Variants in HS3ST2 observed in about 807,000 individuals in gnomAD.
The protein encoded by HS3ST2 is heparan sulfate glucosamine 3-O-sulfotransferase 2.
HS3ST2 carries 17 observed loss-of-function variants against 26.3 expected under a neutral mutation model. That is an observed-to-expected ratio of 0.65 (90% confidence interval 0.44 to 0.97). The LOEUF is 0.97. Ranked by LOEUF, HS3ST2 falls within the 50% of genes least tolerant of loss-of-function variation. HS3ST2 has a pLI of 0.00. For synonymous variants in HS3ST2, 237 were observed against 219.2 expected, an observed-to-expected ratio of 1.08 and a Z score of -0.72; for missense variants, 402 against 501.2, an observed-to-expected ratio of 0.80 and a Z score of 1.89.
chr16:22,878,436 G>A (rs895532497), intron 1 of HS3ST2, among the ~76,000 whole-genome samples: 1 of 152,146 alleles, frequency 6.6e-6, no homozygotes, highest in Non-Finnish European at 1.5e-5. Context: ...GTACATGTTC[G>A]AGTCACACTA....
chr16:22,846,493 C>T (rs1303647726), intron 1 of HS3ST2, among the ~76,000 whole-genome samples: 1 of 152,000 alleles, frequency 6.6e-6, no homozygotes, highest in East Asian at 1.9e-4. Context: ...TTCATATCAC[C>T]TATGGTGTCA....
chr16:22,891,318 G>A (rs557652726), intron 1 of HS3ST2, among the ~76,000 whole-genome samples: 3 of 152,146 alleles, frequency 2.0e-5, no homozygotes, highest in Non-Finnish European at 2.9e-5. Flanking sequence ...TCCACGCATC[G>A]TCTCGAAGTC....
intron 1 of HS3ST2, among the ~76,000 whole-genome samples, chr16:22,846,017 C>A (rs73543170): frequency 0.037 from 5,594 of 152,242 alleles, 359 homozygotes; most frequent in African/African-American, 0.13. Context: ...GTGGCTTACG[C>A]CTGTAATCCC....
chr16:22,902,569 G>C (rs1902294026), intron 1 of HS3ST2, among the ~76,000 whole-genome samples: 1 of 152,192 alleles, frequency 6.6e-6, no homozygotes, highest in Non-Finnish European at 1.5e-5. Flanking sequence ...TCCAGGAGTG[G>C]AATTGCTGGG....
At chr16:22,876,317 G>C (rs1901916159) in intron 1 of HS3ST2, among the ~76,000 whole-genome samples, 1 of 151,836 alleles carries the variant, frequency 6.6e-6, no homozygotes, top group Non-Finnish European at 1.5e-5. Flanking sequence ...CGAAAAAAAA[G>C]ATATACAAAT....
intron 1 of HS3ST2, among the ~76,000 whole-genome samples, chr16:22,891,686 G>A (rs1902131551): frequency 6.6e-6 from 1 of 152,056 alleles, no homozygotes; most frequent in South Asian, 2.1e-4. Context: ...TCTTCTTTCA[G>A]GAATTATGTC....
At position 22,875,369 on chromosome 16, in the gene HS3ST2, A is replaced by AATTTATTTATTT. The variant is rs538593972; in HGVS notation, c.486-39557_486-39546dup. Among the ~76,000 whole-genome samples, 1,097 of 151,608 alleles carry AATTTATTTATTT rather than the reference A, an allele frequency of 7.2e-3. 19 individuals carry two copies. The highest frequency in any genetic ancestry group is 0.027 in the East Asian group (142 of 5,164). On this transcript the variant is annotated intron_variant, in intron 1 of 1. Coordinates refer to ENST00000261374, the MANE Select transcript of HS3ST2 (RefSeq NM_006043.2). ...TGAAGACAGAAAAATACTTTTAATA[A>AATTTATTTATTT]ATTTATTTATTTATTTATTTATTTA...
rs1235687183 is a variant in HS3ST2, at chr16:22,878,082, C to T, written c.486-36862C>T. Among the ~76,000 whole-genome samples, 6 of 152,228 alleles carry T rather than the reference C, an allele frequency of 3.9e-5. No individual in the cohort carries two copies. The East Asian group carries it at 1.2e-3, about 29-fold the overall frequency. ...CTGTATTATCAGAGTCCAGGCTGTG[C>T]AAAGGAGAGTGTCTAAGATAACAAC... On this transcript the variant is annotated intron_variant, in intron 1 of 1. Transcript: ENST00000261374.
chr16:22,858,320 C>T (rs538983511), intron 1 of HS3ST2, among the ~76,000 whole-genome samples: 1 of 150,116 alleles, frequency 6.7e-6, no homozygotes, highest in East Asian at 1.9e-4. Flanking sequence ...ATATATACAT[C>T]TAGTATGTGC....
intron 1 of HS3ST2, among the ~76,000 whole-genome samples, chr16:22,838,608 C>G (rs1280646521): frequency 6.6e-6 from 1 of 152,140 alleles, no homozygotes; most frequent in Non-Finnish European, 1.5e-5. Context: ...TCCACAGCTG[C>G]TGAAACTCAA....
At chr16:22,836,841 A>G (rs1005208535) in intron 1 of HS3ST2, among the ~76,000 whole-genome samples, 2 of 152,040 alleles carry the variant, frequency 1.3e-5, no homozygotes, top group African/African-American at 4.8e-5. Flanking sequence ...ATTTACTAGT[A>G]GAGACGGGGT....
chr16:22,887,836 C>T (rs1902082133), intron 1 of HS3ST2, among the ~76,000 whole-genome samples: 1 of 151,786 alleles, frequency 6.6e-6, no homozygotes, highest in Admixed American at 6.6e-5. Flanking sequence ...ACAGTCCCAG[C>T]TACTCGGGAG....
intron 1 of HS3ST2, chr16:22,833,300 T>C (rs56186343): frequency 1.1e-5 from 5 of 455,866 alleles, no homozygotes; most frequent in Non-Finnish European, 2.2e-5. Flanking sequence ...ACCTGTGTGG[T>C]TGTCGGTGCA....
chr16:22,911,522 T>G (rs1902424610), intron 1 of HS3ST2, among the ~76,000 whole-genome samples: 1 of 152,228 alleles, frequency 6.6e-6, no homozygotes, highest in Admixed American at 6.5e-5. Context: ...GATAGAAGTC[T>G]GAGACCAAAT....
intron 1 of HS3ST2, among the ~76,000 whole-genome samples, chr16:22,846,358 C>T (rs1901432368): frequency 6.6e-6 from 1 of 152,002 alleles, no homozygotes; most frequent in Non-Finnish European, 1.5e-5. Context: ...CAGTGCTGCG[C>T]CCAATAATCT....
intron 1 of HS3ST2, among the ~76,000 whole-genome samples, chr16:22,851,521 G>A (rs1407698818): frequency 6.6e-6 from 1 of 152,136 alleles, no homozygotes; most frequent in Non-Finnish European, 1.5e-5. Context: ...TCTCCTCACT[G>A]GAGTGGTATA....
At chr16:22,912,884 CCCTGTTTTAGCTAGT>C (rs1475912504) in intron 1 of HS3ST2, among the ~76,000 whole-genome samples, 2 of 152,004 alleles carry the variant, frequency 1.3e-5, no homozygotes, top group African/African-American at 4.8e-5. Context: ...TTCTTCCCCG[CCCTGTTTTAGCTAGT>C]CCTCAATTTG....
At position 22,843,883 on chromosome 16, in the gene HS3ST2, TG is replaced by T. The variant is rs1475159404; in HGVS notation, c.485+28792del. Among the ~76,000 whole-genome samples the T allele has an allele frequency of 2.0e-5, 3 of 151,708 alleles. No homozygotes were observed. In the East Asian group the frequency reaches 5.8e-4, roughly 29 times the overall value. On this transcript the variant is annotated intron_variant, in intron 1 of 1. Coordinates refer to ENST00000261374, the MANE Select transcript of HS3ST2 (RefSeq NM_006043.2). ...GGTGGGGAAGATTAGAGTCCTGCCTTGGGGCAGGCAAGAAAGGAAGGCAAGA... is the reference window on the plus strand; with the variant it reads ...GGTGGGGAAGATTAGAGTCCTGCCTTGGGCAGGCAAGAAAGGAAGGCAAGA...
chr16:22,912,144 A>C (rs208628), intron 1 of HS3ST2, among the ~76,000 whole-genome samples: 88,507 of 151,946 alleles, frequency 0.58, 26,198 homozygotes, highest in East Asian at 0.76. Flanking sequence ...AAAAAACCCC[A>C]AAACAGAACA....
Sources: gnomAD v4.1 joint callset for allele counts (sites outside exome capture counted in the v4.1 genomes callset) on GRCh38, gnomAD v4.1.1 for gene constraint, MANE v1.5 for transcripts, NCBI Gene and HGNC (gene_info 2026-07-23, HGNC 2026-07-21) for gene names.